The following PUDP variants were observed in gnomAD, a reference collection of about 807,000 sequenced individuals.
PUDP encodes the protein pseudouridine-5'-phosphatase.
A neutral mutation model predicts 9.4 loss-of-function variants in PUDP; 8 were observed. That is an observed-to-expected ratio of 0.85 (90% CI 0.50 to 1.53). The LOEUF (loss-of-function observed/expected upper bound fraction) is 1.53. Ranked by LOEUF, PUDP falls within the 40% of genes most tolerant of loss-of-function variation. PUDP has a pLI of 0.00. For synonymous variants in PUDP, 99 were observed against 80.7 expected (o/e 1.23, Z -1.22); for missense variants, 188 against 189.7 (o/e 0.99, Z 0.05).
At chrX:6,852,228 T>C (rs150474920) in intron 3 of PUDP, among the ~76,000 whole-genome samples, 93 of 112,313 alleles carry the variant, frequency 8.3e-4, no homozygotes, top group East Asian at 5.6e-3. Context: ...CTGCAAGACA[T>C]TGGAAGGGCA....
intron 1 of PUDP, among the ~76,000 whole-genome samples, chrX:7,116,075 A>G (rs1602805596): frequency 8.9e-6 from 1 of 112,817 alleles, no homozygotes. Flanking sequence ...GAACGAGCAG[A>G]GGCTATTCAT....
intron 3 of PUDP, among the ~76,000 whole-genome samples, chrX:6,933,598 G>A (rs1230722735): frequency 8.9e-6 from 1 of 112,139 alleles, no homozygotes; most frequent in Non-Finnish European, 1.9e-5. Flanking sequence ...AAGGAACGCA[G>A]TTCCTCACCA....
chrX:6,971,615 G>A (rs1193806497), intron 3 of PUDP, among the ~76,000 whole-genome samples: 24 of 106,015 alleles, frequency 2.3e-4, no homozygotes, highest in African/African-American at 7.2e-4. Context: ...CAGTAGAGAC[G>A]GGGTTTCACC....
At chrX:7,089,277 C>A (rs1251391928) in intron 2 of PUDP, among the ~76,000 whole-genome samples, 3 of 111,786 alleles carry the variant, frequency 2.7e-5, no homozygotes, top group Non-Finnish European at 1.9e-5. Flanking sequence ...CATGAGGTAA[C>A]TTCCTTCCCC....
At chrX:6,776,500 C>A (rs941048778) in intron 3 of PUDP, among the ~76,000 whole-genome samples, 1 of 111,219 alleles carries the variant, frequency 9.0e-6, no homozygotes, top group East Asian at 2.8e-4. Flanking sequence ...CACTACACTC[C>A]GGCCTGGGTG....
chrX:6,810,478 T>G (rs1454599220), intron 3 of PUDP, among the ~76,000 whole-genome samples: 1 of 111,608 alleles, frequency 9.0e-6, no homozygotes, highest in Non-Finnish European at 1.9e-5. Context: ...TGGAGTGCAT[T>G]TCACTGACAC....
rs1490095663 is a variant in PUDP, at chrX:7,049,877, T to A, written c.*419A>T. The A allele has an allele frequency of 1.1e-4, 13 of 118,539 alleles. No individual in the cohort carries two copies. In the Admixed American group the frequency reaches 1.2e-3, roughly 11 times the overall value. The allele number at this position is 118,539 out of a possible 1,213,427, so 9.8% of individuals were successfully genotyped here. On this transcript the variant is annotated 3_prime_UTR_variant, in exon 4 of 4. Coordinates refer to ENST00000381077, the MANE Select transcript of PUDP (RefSeq NM_012080.5). ...AGAGAAGTGATGTTCCATTTTGTCT[T>A]GGAAAAGTATATATTTTACATATAC...
In PUDP at chrX:6,765,665, T is replaced by C. The variant is rs138913527; in HGVS notation, c.*248-59199A>G. Among the ~76,000 whole-genome samples the C allele has an allele frequency of 7.2e-5, 8 of 111,800 alleles. No individual in the cohort carries two copies. The East Asian group carries it at 2.2e-3, about 31-fold the overall frequency. ...TTAGTGAGAAATGACTGAGATGTGATAGCAAAATATTTTATACAGAAAGAT... is the reference window on the plus strand; with the variant it reads ...TTAGTGAGAAATGACTGAGATGTGACAGCAAAATATTTTATACAGAAAGAT... On this transcript the variant is annotated intron_variant and NMD_transcript_variant, in intron 3 of 3. Transcript: ENST00000655425.
intron 1 of PUDP, among the ~76,000 whole-genome samples, chrX:6,710,124 A>AAAC (rs1018237513): frequency 2.7e-5 from 3 of 112,019 alleles, no homozygotes; most frequent in African/African-American, 9.7e-5. Context: ...ACCTGTCCAA[A>AAAC]AACAACAACA....
chrX:6,809,899 A>G (rs752524142), intron 3 of PUDP, among the ~76,000 whole-genome samples: 2 of 110,401 alleles, frequency 1.8e-5, no homozygotes, highest in South Asian at 7.9e-4. Context: ...AGCGAGACCC[A>G]GTCTCTACAA....
intron 2 of PUDP, among the ~76,000 whole-genome samples, chrX:7,082,640 A>T (rs1022435425): frequency 2.2e-4 from 25 of 112,376 alleles, no homozygotes; most frequent in African/African-American, 7.4e-4. Flanking sequence ...CAGCTGATGG[A>T]TGCCACCTGG....
chrX:7,010,216 G>A (rs775279439), intron 1 of PUDP, among the ~76,000 whole-genome samples: 2 of 111,653 alleles, frequency 1.8e-5, no homozygotes, highest in Non-Finnish European at 3.8e-5. Context: ...ATCCATCCCT[G>A]TTTCATGAAG....
At chrX:7,031,018 C>T (rs1602721698) in intron 1 of PUDP, among the ~76,000 whole-genome samples, 1 of 111,255 alleles carries the variant, frequency 9.0e-6, no homozygotes, top group East Asian at 2.8e-4. Context: ...CTTTTTAGTC[C>T]ATATAGGGTA....
chrX:6,840,613 T>C (rs777744432), intron 3 of PUDP, among the ~76,000 whole-genome samples: 3 of 111,738 alleles, frequency 2.7e-5, no homozygotes, highest in African/African-American at 9.8e-5. Context: ...AGGATGCATA[T>C]GTGAAGCACA....
chrX:7,050,185 C>T lies in PUDP; in HGVS notation c.*111G>A, dbSNP rs1426697570. ...GGATGGAAACTCCAATCTCAGGAGG[C>T]TAAAATCACAGCGCAGGTTGGGATT... On this transcript the variant is annotated 3_prime_UTR_variant, in exon 4 of 4. Transcript: ENST00000381077. 1.3e-6 allele frequency: 1 copy of T among 743,084 alleles called. No individual in the cohort carries two copies. The highest frequency in any genetic ancestry group is 2.1e-5 in the African/African-American group (1 of 46,568). 61.2% of individuals were successfully genotyped at this position (743,084 alleles called of 1,213,427 possible).
intron 3 of PUDP, among the ~76,000 whole-genome samples, chrX:6,847,273 G>C (rs760047227): frequency 9.1e-6 from 1 of 110,386 alleles, no homozygotes; most frequent in African/African-American, 3.3e-5. Flanking sequence ...AATTACAGTA[G>C]AAAGATCCAA....
intron 3 of PUDP, among the ~76,000 whole-genome samples, chrX:6,750,244 T>C (rs1434856009): frequency 1.8e-5 from 2 of 112,142 alleles, no homozygotes; most frequent in African/African-American, 6.5e-5. Context: ...TTTCATCAGA[T>C]TGAAATCGTT....
chrX:6,861,867 C>T (rs187442550), intron 3 of PUDP, among the ~76,000 whole-genome samples: 12 of 111,519 alleles, frequency 1.1e-4, no homozygotes, highest in African/African-American at 1.6e-4. Flanking sequence ...ATTTGACCTC[C>T]GACTCCCTTT....
chrX:7,066,637 G>A (rs867478029), intron 3 of PUDP, among the ~76,000 whole-genome samples: 3 of 111,290 alleles, frequency 2.7e-5, no homozygotes, highest in East Asian at 2.8e-4. Context: ...CCTGCTGTGC[G>A]CCCTGCTTCC....
Sources: allele counts gnomAD v4.1 joint callset (sites outside exome capture counted in the v4.1 genomes callset), GRCh38; gene constraint gnomAD v4.1.1; transcripts MANE v1.5; gene names NCBI Gene and HGNC (gene_info 2026-07-23, HGNC 2026-07-21).